TAFA1: variants seen among roughly 807,000 people sequenced by gnomAD.
TAFA1 encodes the protein chemokine-like protein TAFA-1.
In TAFA1, 4 loss-of-function variants were observed where a neutral mutation model predicts 18.5. That is an observed-to-expected ratio of 0.22 (90% CI 0.11 to 0.49). The LOEUF (loss-of-function observed/expected upper bound fraction) is 0.49, where lower values mean the gene tolerates loss of function less well. Ranked by LOEUF, TAFA1 falls within the 20% of genes least tolerant of loss-of-function variation. The probability of loss-of-function intolerance (pLI) is 0.98; values close to 1 mark genes in which losing one functional copy is unlikely to be tolerated. For missense variants in TAFA1, 147 were observed against 169.0 expected, an observed-to-expected ratio of 0.87 and a Z score of 0.72; for synonymous variants, 56 against 55.2, an observed-to-expected ratio of 1.01 and a Z score of -0.06.
In TAFA1 at chr3:68,139,644, C is replaced by T. The variant is rs536717542; in HGVS notation, c.118+132900C>T. On this transcript the variant is annotated intron_variant, in intron 2 of 4. Transcript: ENST00000478136. ...ATTTCTTGGGCCTCAGCAATTTTTT[C>T]GTGACTTGAATACCCTAAGGGCATG... Among the ~76,000 whole-genome samples, 18 of 152,176 alleles carry T rather than the reference C, an allele frequency of 1.2e-4. No homozygotes were observed. The South Asian group carries it at 3.1e-3, about 26-fold the overall frequency.
In TAFA1 at chr3:68,532,238, G is replaced by A. The variant is rs535678745; in HGVS notation, c.260-6518G>A. Among the ~76,000 whole-genome samples, 7 of 152,308 alleles carry A rather than the reference G, an allele frequency of 4.6e-5. No homozygotes were observed. The South Asian group carries it at 1.5e-3, about 32-fold the overall frequency. On this transcript the variant is annotated intron_variant, in intron 3 of 4. Coordinates refer to ENST00000478136, the MANE Select transcript of TAFA1 (RefSeq NM_213609.4). ...AGAATAGGGGCTCGGGTCTTCCCAG[G>A]AGGAGGAGGGGAGGTGGTGTCACTG...
intron 2 of TAFA1, among the ~76,000 whole-genome samples, chr3:68,413,470 AT>A (rs2070755176): frequency 6.6e-6 from 1 of 152,158 alleles, no homozygotes; most frequent in Non-Finnish European, 1.5e-5. Context: ...TACTATTACC[AT>A]TGGTTGCATG....
At chr3:68,410,330 T>A (rs1313311534) in intron 2 of TAFA1, among the ~76,000 whole-genome samples, 1 of 152,038 alleles carries the variant, frequency 6.6e-6, no homozygotes. Context: ...GAAAGTCCAC[T>A]GTTTTGAAGA....
rs75712556 is a variant in TAFA1 at position 68,532,060 on chromosome 3, C to T, written c.260-6696C>T. 1.6e-3 allele frequency among the ~76,000 whole-genome samples: 246 copies of T among 152,076 alleles called. 5 individuals are homozygous for T. The East Asian group carries it at 0.041, about 26-fold the overall frequency. On this transcript the variant is annotated intron_variant, in intron 3 of 4. Transcript: ENST00000478136. ...GAGAATTTTCTTCTCTCTGAACGTC[C>T]AAATCTGTCTGTTAAAATGAATGGA...
At chr3:68,481,895 G>T (rs935280172) in intron 3 of TAFA1, among the ~76,000 whole-genome samples, 8 of 152,132 alleles carry the variant, frequency 5.3e-5, no homozygotes, top group African/African-American at 1.9e-4. Flanking sequence ...CACAGTAATG[G>T]TCTTCTAGTT....
intron 3 of TAFA1, among the ~76,000 whole-genome samples, chr3:68,427,754 A>T (rs2071085210): frequency 6.6e-6 from 1 of 151,860 alleles, no homozygotes; most frequent in Non-Finnish European, 1.5e-5. Flanking sequence ...AGCTCCCATA[A>T]TCCCCACATG....
chr3:68,191,440 A>C lies in TAFA1; in HGVS notation c.118+184696A>C, dbSNP rs78782783. On this transcript the variant is annotated intron_variant, in intron 2 of 4. Coordinates refer to ENST00000478136, the MANE Select transcript of TAFA1 (RefSeq NM_213609.4). Reference sequence around the variant, plus strand: ...TGAAGCTAATTATCTTCATAGGTAAACTGAAGCTGAAGCTTGTGGCACACT... The same window carrying C: ...TGAAGCTAATTATCTTCATAGGTAACCTGAAGCTGAAGCTTGTGGCACACT... Among the ~76,000 whole-genome samples the C allele has an allele frequency of 4.6e-3, 697 of 151,976 alleles. 28 individuals are homozygous for C. In the East Asian group the frequency reaches 0.09, roughly 20 times the overall value.
chr3:68,353,366 G>A (rs192571460), intron 2 of TAFA1, among the ~76,000 whole-genome samples: 1 of 152,180 alleles, frequency 6.6e-6, no homozygotes. Context: ...CTGATATAGC[G>A]TGTAAGCCAT....
At chr3:68,316,163 T>C (rs1266732983) in intron 2 of TAFA1, among the ~76,000 whole-genome samples, 13 of 152,228 alleles carry the variant, frequency 8.5e-5, no homozygotes, top group Non-Finnish European at 5.9e-5. Context: ...GTTCCATAAC[T>C]GTACGAATGC....
intron 3 of TAFA1, among the ~76,000 whole-genome samples, chr3:68,522,419 T>C (rs1156316428): frequency 6.6e-6 from 1 of 152,118 alleles, no homozygotes; most frequent in Admixed American, 6.5e-5. Context: ...AGAGAAATGA[T>C]AGGGAAAGGT....
In TAFA1 at chr3:68,370,494, A is replaced by ACG. The variant is rs1270882699; in HGVS notation, c.119-46786_119-46785insCG. 3.3e-3 allele frequency among the ~76,000 whole-genome samples: 267 copies of ACG among 81,218 alleles called. 5 individuals carry two copies. The highest frequency in any genetic ancestry group is 7.4e-3 in the Middle Eastern group (1 of 136). The allele number at this position is 81,218 out of a possible 152,430, so 53.3% of individuals were successfully genotyped here. On this transcript the variant is annotated intron_variant, in intron 2 of 4. Coordinates refer to ENST00000478136, the MANE Select transcript of TAFA1 (RefSeq NM_213609.4). ...TGTGTATATATATATATATATATAT[A>ACG]TATATATATATATATATATATACCC...
chr3:68,501,154 G>GAAAA (rs57247656), intron 3 of TAFA1, among the ~76,000 whole-genome samples: 1 of 91,634 alleles, frequency 1.1e-5, no homozygotes. Context: ...GACCCTGTCT[G>GAAAA]AAAAAAAAAA....
chr3:68,301,967 T>C (rs957930089), intron 2 of TAFA1, among the ~76,000 whole-genome samples: 3 of 152,382 alleles, frequency 2.0e-5, no homozygotes, highest in African/African-American at 7.2e-5. Context: ...GTAGATTTAT[T>C]CAGCTTTTTA....
At chr3:68,471,107 C>T (rs1388046517) in intron 3 of TAFA1, among the ~76,000 whole-genome samples, 1 of 152,192 alleles carries the variant, frequency 6.6e-6, no homozygotes. Flanking sequence ...CAAGCCTTGG[C>T]AGCTTCCATG....
Position 68,138,825 on chromosome 3 carries a change from A to G in TAFA1, c.118+132081A>G, listed in dbSNP as rs564420927. On this transcript the variant is annotated intron_variant, in intron 2 of 4. Transcript: ENST00000478136. ...TTGCTACTCTTGATAGTTGGTTTTCATAACAGTGAGGTTGCCTTTAGTAAG... is the reference window on the plus strand; with the variant it reads ...TTGCTACTCTTGATAGTTGGTTTTCGTAACAGTGAGGTTGCCTTTAGTAAG... 9.8e-5 allele frequency among the ~76,000 whole-genome samples: 15 copies of G among 152,314 alleles called. No homozygotes were observed. In the East Asian group the frequency reaches 2.7e-3, roughly 27 times the overall value.
At chr3:68,058,955 G>A (rs2064568269) in intron 2 of TAFA1, among the ~76,000 whole-genome samples, 1 of 152,124 alleles carries the variant, frequency 6.6e-6, no homozygotes, top group Non-Finnish European at 1.5e-5. Context: ...TGCTGAAGAT[G>A]AGACCAAATT....
At chr3:68,011,450 A>G (rs1470567685) in intron 2 of TAFA1, among the ~76,000 whole-genome samples, 3 of 152,218 alleles carry the variant, frequency 2.0e-5, no homozygotes, top group Non-Finnish European at 2.9e-5. Context: ...TGATTATTAC[A>G]TACTGAACAT....
chr3:68,410,141 T>G (rs116291518), intron 2 of TAFA1, among the ~76,000 whole-genome samples: 1 of 152,150 alleles, frequency 6.6e-6, no homozygotes, highest in Admixed American at 6.6e-5. Flanking sequence ...CTTTTTCTCT[T>G]TTTTGGATAT....
intron 2 of TAFA1, among the ~76,000 whole-genome samples, chr3:68,392,554 A>G (rs945682542): frequency 2.6e-5 from 4 of 152,178 alleles, no homozygotes; most frequent in African/African-American, 9.7e-5. Flanking sequence ...TCAACAGAAT[A>G]TACGTTCTTC....
Sources: gnomAD v4.1 joint callset for allele counts (sites outside exome capture counted in the v4.1 genomes callset) on GRCh38, gnomAD v4.1.1 for gene constraint, MANE v1.5 for transcripts, NCBI Gene and HGNC (gene_info 2026-07-23, HGNC 2026-07-21) for gene names.